Variants in ZFHX3 observed in about 807,000 individuals in gnomAD.
The protein encoded by ZFHX3 is zinc finger homeobox 3, also known as zinc finger homeobox protein 3.
ZFHX3 carries 42 observed loss-of-function variants against 279.1 expected under a neutral mutation model. The observed-to-expected ratio is 0.15, with a 90% CI of 0.12 to 0.19. ZFHX3 has a LOEUF of 0.19. Among genes scored for constraint, ZFHX3 ranks in the 10% least tolerant of loss-of-function variants. The pLI, the probability that ZFHX3 is intolerant of heterozygous loss-of-function variation, is 1.00. For synonymous variants in ZFHX3, 2,293 were observed against 1,957.8 expected (o/e 1.17, Z -4.52); for missense variants, 4,981 against 4,754.0 (o/e 1.05, Z -1.40).
At chr16:73,362,755 A>C (rs74346206) in intron 3 of ZFHX3, among the ~76,000 whole-genome samples, 3,521 of 152,354 alleles carry the variant, frequency 0.023, 59 homozygotes, top group Middle Eastern at 0.044. Context: ...GGTGAAAATG[A>C]ATAATAACAT....
intron 2 of ZFHX3, among the ~76,000 whole-genome samples, chr16:73,483,022 C>G (rs2018897933): frequency 6.6e-6 from 1 of 152,176 alleles, no homozygotes. Flanking sequence ...TAGCTAAATC[C>G]TTTCTTGTTC....
At chr16:73,715,159 C>T (rs2053402045) in intron 1 of ZFHX3, among the ~76,000 whole-genome samples, 1 of 152,122 alleles carries the variant, frequency 6.6e-6, no homozygotes. Flanking sequence ...ATTCTGACTG[C>T]CGGCATCCCT....
intron 2 of ZFHX3, among the ~76,000 whole-genome samples, chr16:73,613,527 T>A (rs10459861): frequency 0.57 from 86,784 of 151,648 alleles, 28,001 homozygotes; most frequent in East Asian, 0.82. Context: ...GGTGGAAGTT[T>A]CTAGAAGCAG....
Position 72,783,912 on chromosome 16 carries a change from T to C in ZFHX3, c.*3252A>G, listed in dbSNP as rs1713070980. The C allele has an allele frequency of 6.6e-6, 1 of 152,286 alleles. No individual in the cohort carries two copies. The allele number at this position is 152,286 out of a possible 1,614,324, so 9.4% of individuals were successfully genotyped here. On this transcript the variant is annotated 3_prime_UTR_variant, in exon 10 of 10. Coordinates refer to ENST00000268489, the MANE Select transcript of ZFHX3 (RefSeq NM_006885.4). ...TAAATAGTACTGGTCATAGCCACGA[T>C]GGCTGTCAGCCCACAAACATCTAAC...
intron 1 of ZFHX3, among the ~76,000 whole-genome samples, chr16:73,851,005 T>C (rs1007291964): frequency 6.6e-6 from 1 of 152,028 alleles, no homozygotes; most frequent in African/African-American, 2.4e-5. Flanking sequence ...ATCCTTTTTT[T>C]CCCCCTCCTT....
chr16:72,850,435 C>T (rs1437949151), intron 4 of ZFHX3, among the ~76,000 whole-genome samples: 1 of 152,228 alleles, frequency 6.6e-6, no homozygotes, highest in Non-Finnish European at 1.5e-5. Flanking sequence ...TGTTGAAATA[C>T]ACATAGTCAA....
intron 5 of ZFHX3, among the ~76,000 whole-genome samples, chr16:73,233,518 A>C (rs1387513224): frequency 1.3e-5 from 2 of 152,176 alleles, no homozygotes; most frequent in African/African-American, 4.8e-5. Flanking sequence ...GACGCTGGAA[A>C]AAGGAGGTTG....
intron 2 of ZFHX3, among the ~76,000 whole-genome samples, chr16:73,570,070 A>G (rs956888409): frequency 1.3e-5 from 2 of 152,204 alleles, no homozygotes; most frequent in African/African-American, 2.4e-5. Flanking sequence ...CTTCCCGGGT[A>G]TACATTTTAC....
Position 73,127,490 on chromosome 16 carries a change from T to C in ZFHX3, c.-897+3478A>G, listed in dbSNP as rs986695407. 3.8e-6 allele frequency: 5 copies of C among 1,305,238 alleles called. No individual in the cohort carries two copies. The African/African-American group carries it at 4.6e-5, about 12-fold the overall frequency. The allele number at this position is 1,305,238 out of a possible 1,614,324, so 80.9% of individuals were successfully genotyped here. A position where few individuals can be genotyped will look rare whatever the true frequency, so the allele number is the denominator to read the frequency against. On this transcript the variant is annotated intron_variant, in intron 7 of 17. Transcript: ENST00000641206. ...GGGCATCGACAGGCAAGATCACTGG[T>C]CCCTGGTGATGGATGGGGGAAGAAG...
chr16:73,317,470 T>A (rs2143185384), intron 4 of ZFHX3, among the ~76,000 whole-genome samples: 1 of 152,310 alleles, frequency 6.6e-6, no homozygotes, highest in African/African-American at 2.4e-5. Context: ...TACTCAAATA[T>A]TCATCATGTA....
At chr16:73,120,059 T>C (rs186740955) in intron 7 of ZFHX3, among the ~76,000 whole-genome samples, 91 of 152,288 alleles carry the variant, frequency 6.0e-4, no homozygotes, top group Non-Finnish European at 1.0e-3. Context: ...TGAAAGTTCC[T>C]CTGTGCTCAA....
intron 2 of ZFHX3, among the ~76,000 whole-genome samples, chr16:73,639,174 T>C (rs1007187787): frequency 2.6e-5 from 4 of 152,188 alleles, no homozygotes; most frequent in Non-Finnish European, 5.9e-5. Flanking sequence ...GAACCCACTG[T>C]AGAACATCTT....
intron 1 of ZFHX3, among the ~76,000 whole-genome samples, chr16:73,806,833 T>C (rs895275119): frequency 3.8e-4 from 58 of 152,292 alleles, no homozygotes; most frequent in African/African-American, 1.4e-3. Context: ...TCTCCAGCTT[T>C]GGCACTGCCC....
At chr16:73,418,143 C>T (rs1465709989) in intron 3 of ZFHX3, among the ~76,000 whole-genome samples, 1 of 152,160 alleles carries the variant, frequency 6.6e-6, no homozygotes, top group Non-Finnish European at 1.5e-5. Context: ...ACTGGGAACT[C>T]GCTATTTCCC....
chr16:73,527,244 G>C (rs964751708), intron 2 of ZFHX3, among the ~76,000 whole-genome samples: 1 of 152,110 alleles, frequency 6.6e-6, no homozygotes, highest in Non-Finnish European at 1.5e-5. Context: ...AAGGTAGGAG[G>C]CTTAGGTGAC....
Position 73,720,678 on chromosome 16 carries a change from G to A in ZFHX3, c.-1607-40438C>T, listed in dbSNP as rs536798584. On this transcript the variant is annotated intron_variant, in intron 1 of 17. Transcript: ENST00000641206. ...GCTACTTATAACCACTAGAAAAAGGGGTTATCCCTGTGTGATAATTGTATA... is the reference window on the plus strand; with the variant it reads ...GCTACTTATAACCACTAGAAAAAGGAGTTATCCCTGTGTGATAATTGTATA... 2.6e-5 allele frequency among the ~76,000 whole-genome samples: 4 copies of A among 152,152 alleles called. No homozygotes were observed. The East Asian group carries it at 7.7e-4, about 29-fold the overall frequency.
At chr16:73,661,489 G>A (rs1402332774) in intron 2 of ZFHX3, among the ~76,000 whole-genome samples, 6 of 152,190 alleles carry the variant, frequency 3.9e-5, no homozygotes, top group Admixed American at 3.3e-4. Context: ...GGGAGGCAGA[G>A]GCAGGCAGAT....
chr16:73,258,816 C>T (rs1310576363), intron 4 of ZFHX3, among the ~76,000 whole-genome samples: 1 of 152,164 alleles, frequency 6.6e-6, no homozygotes, highest in Non-Finnish European at 1.5e-5. Context: ...TTTAGACTTT[C>T]TCAATTCTTT....
At position 72,985,496 on chromosome 16, in the gene ZFHX3, G is replaced by A. The variant is rs368133002; in HGVS notation, c.-49-25302C>T. Among the ~76,000 whole-genome samples the A allele has an allele frequency of 1.9e-4, 29 of 152,318 alleles. No homozygotes were observed. In the South Asian group the frequency reaches 2.3e-3, roughly 12 times the overall value. On this transcript the variant is annotated intron_variant, in intron 1 of 9. Transcript: ENST00000268489. ...ACGTCAATTTTTCCCCAGGGAGGGC[G>A]AGGCAGAGCTGAGAACAACATTGGA...
Sources: allele counts gnomAD v4.1 joint callset (sites outside exome capture counted in the v4.1 genomes callset), GRCh38; gene constraint gnomAD v4.1.1; transcripts MANE v1.5; gene names NCBI Gene and HGNC (gene_info 2026-07-23, HGNC 2026-07-21).